Variants in PABPC4L observed in about 807,000 individuals in gnomAD.
The protein encoded by PABPC4L is poly(A) binding protein cytoplasmic 4 like, also known as polyadenylate-binding protein 4-like.
For synonymous variants in PABPC4L, 169 were observed against 164.1 expected (o/e 1.03, Z -0.23); for missense variants, 452 against 451.4 (o/e 1.00, Z -0.01).
At chr4:133,984,489 T>C in the PABPC4L span, among the ~76,000 whole-genome samples, 1 of 152,040 alleles carries the variant, frequency 6.6e-6, no homozygotes. Context: ...TTATTTATGA[T>C]CTAAATATAA....
At chr4:134,050,755 T>A in the PABPC4L span, among the ~76,000 whole-genome samples, 1 of 147,030 alleles carries the variant, frequency 6.8e-6, no homozygotes, top group Admixed American at 6.8e-5. Context: ...AGGATATACT[T>A]CAGTGAAACA....
the PABPC4L span, among the ~76,000 whole-genome samples, chr4:134,078,925 C>G: frequency 1.3e-5 from 2 of 148,458 alleles, no homozygotes; most frequent in Non-Finnish European, 1.5e-5. Context: ...GCTTCAGCCT[C>G]TCAAAGTACT....
chr4:134,089,912 C>A, the PABPC4L span, among the ~76,000 whole-genome samples: 1 of 151,964 alleles, frequency 6.6e-6, no homozygotes, highest in Non-Finnish European at 1.5e-5. Context: ...TTGGAACATA[C>A]CCTTCATAAA....
the PABPC4L span, among the ~76,000 whole-genome samples, chr4:134,177,765 C>T: frequency 2.0e-5 from 3 of 152,102 alleles, no homozygotes; most frequent in Non-Finnish European, 4.4e-5. Flanking sequence ...ACCAGGTAGG[C>T]AGGCCTGCCA....
chr4:134,181,840 A>G, the PABPC4L span, among the ~76,000 whole-genome samples: 3,586 of 152,064 alleles, frequency 0.024, 59 homozygotes, highest in Non-Finnish European at 0.039. Flanking sequence ...CTACAACGAG[A>G]ATTACAAGAT....
Position 134,199,205 on chromosome 4 carries a change from T to C in PABPC4L, c.*702A>G, listed in dbSNP as rs1179163416. On this transcript the variant is annotated 3_prime_UTR_variant, in exon 2 of 2. Coordinates refer to ENST00000421491, the MANE Select transcript of PABPC4L (RefSeq NM_001114734.2). ...GAAGTTAAGGTTTTACAGTGCAAGT[T>C]ACAATTTAGATTAACTAGTAAGTAC... 2.6e-5 allele frequency: 4 copies of C among 152,114 alleles called. No individual in the cohort carries two copies. The highest frequency in any genetic ancestry group is 5.9e-5 in the Non-Finnish European group (4 of 67,958). 9.4% of individuals were successfully genotyped at this position (152,114 alleles called of 1,614,324 possible).
At chr4:134,038,810 A>T in the PABPC4L span, among the ~76,000 whole-genome samples, 1 of 151,790 alleles carries the variant, frequency 6.6e-6, no homozygotes, top group Non-Finnish European at 1.5e-5. Context: ...GGTATTTCAT[A>T]TCTCTACCTT....
the PABPC4L span, among the ~76,000 whole-genome samples, chr4:134,147,100 C>A: frequency 6.6e-6 from 1 of 152,102 alleles, no homozygotes; most frequent in African/African-American, 2.4e-5. Flanking sequence ...AATACACTTT[C>A]TTTCCATACA....
chr4:134,016,623 C>T, the PABPC4L span, among the ~76,000 whole-genome samples: 30 of 152,186 alleles, frequency 2.0e-4, no homozygotes, highest in African/African-American at 6.5e-4. Flanking sequence ...TCTTGTCCCA[C>T]ACAAGGCAAA....
chr4:134,017,050 T>C, the PABPC4L span, among the ~76,000 whole-genome samples: 403 of 152,306 alleles, frequency 2.6e-3, 3 homozygotes, highest in Non-Finnish European at 4.4e-3. Context: ...ATTCCTCGGT[T>C]TGGCCTTCCC....
chr4:134,046,174 A>G, the PABPC4L span, among the ~76,000 whole-genome samples: 2 of 152,008 alleles, frequency 1.3e-5, no homozygotes, highest in Non-Finnish European at 2.9e-5. Flanking sequence ...ATTGATTACT[A>G]TTTTCACTAT....
At chr4:134,016,837 G>A in the PABPC4L span, among the ~76,000 whole-genome samples, 1 of 152,084 alleles carries the variant, frequency 6.6e-6, no homozygotes, top group African/African-American at 2.4e-5. Flanking sequence ...CTCAGGGATT[G>A]TCCAGGCCCC....
At chr4:134,184,664 C>A in the PABPC4L span, among the ~76,000 whole-genome samples, 1 of 151,900 alleles carries the variant, frequency 6.6e-6, no homozygotes, top group African/African-American at 2.4e-5. Context: ...CTGAAGGGCA[C>A]CTTGGTGTGG....
the PABPC4L span, among the ~76,000 whole-genome samples, chr4:134,021,807 G>T: frequency 0.82 from 124,380 of 152,050 alleles, 51,412 homozygotes; most frequent in East Asian, 1. Flanking sequence ...ATATTTCCCT[G>T]TTCTAGACAT....
the PABPC4L span, among the ~76,000 whole-genome samples, chr4:134,051,959 CT>C: frequency 2.0e-5 from 3 of 151,906 alleles, no homozygotes; most frequent in African/African-American, 4.8e-5. Context: ...CTTTTCTTCT[CT>C]TTTTATGTAC....
chr4:134,017,403 A>G, the PABPC4L span, among the ~76,000 whole-genome samples: 10 of 151,960 alleles, frequency 6.6e-5, no homozygotes, highest in Admixed American at 5.9e-4. Flanking sequence ...GCCCCAAAAA[A>G]CTTGTCATCC....
chr4:134,074,581 C>T, the PABPC4L span, among the ~76,000 whole-genome samples: 1 of 152,046 alleles, frequency 6.6e-6, no homozygotes, highest in African/African-American at 2.4e-5. Context: ...TTTACAGCTC[C>T]ACTGCTCCTA....
At position 134,199,848 on chromosome 4, in the gene PABPC4L, G is replaced by C; in HGVS notation, c.*59C>G. 6.6e-6 allele frequency: 10 copies of C among 1,525,792 alleles called. No individual in the cohort carries two copies. The highest frequency in any genetic ancestry group is 8.8e-6 in the Non-Finnish European group (10 of 1,136,332). The allele number at this position is 1,525,792 out of a possible 1,614,324, so 94.5% of individuals were successfully genotyped here. A position where few individuals can be genotyped will look rare whatever the true frequency, so the allele number is the denominator to read the frequency against. On this transcript the variant is annotated 3_prime_UTR_variant, in exon 2 of 2. Coordinates refer to ENST00000421491, the MANE Select transcript of PABPC4L (RefSeq NM_001114734.2). ...ATTTACTGAGGTCAATTCAGGCAGA[G>C]ATCACTATCATTCTCCCACCTGCTG... is the stretch of plus-strand genomic sequence containing the variant.
At chr4:133,952,826 C>G in the PABPC4L span, among the ~76,000 whole-genome samples, 3 of 152,080 alleles carry the variant, frequency 2.0e-5, no homozygotes, top group African/African-American at 7.2e-5. Flanking sequence ...GTTTCTGCGT[C>G]GGGGACATAT....
Sources: gnomAD v4.1 joint callset for allele counts (sites outside exome capture counted in the v4.1 genomes callset) on GRCh38, gnomAD v4.1.1 for gene constraint, MANE v1.5 for transcripts, NCBI Gene and HGNC (gene_info 2026-07-23, HGNC 2026-07-21) for gene names.